YAP1: variants seen among roughly 807,000 people sequenced by gnomAD.
YAP1 encodes the protein transcriptional coactivator YAP1.
In YAP1, 5 loss-of-function variants were observed where a neutral mutation model predicts 56.9. The ratio of observed to expected loss-of-function variants is 0.09; its 90% confidence interval spans 0.05 to 0.18. YAP1 has a LOEUF of 0.18. Among genes scored for constraint, YAP1 ranks in the 10% least tolerant of loss-of-function variants. YAP1 has a pLI of 1.00. For missense variants in YAP1, 539 were observed against 651.8 expected, an observed-to-expected ratio of 0.83 and a Z score of 1.88; for synonymous variants, 265 against 248.1, an observed-to-expected ratio of 1.07 and a Z score of -0.64.
chr11:102,211,608 A>G (rs1162078088), intron 6 of YAP1, among the ~76,000 whole-genome samples: 3 of 152,234 alleles, frequency 2.0e-5, no homozygotes, highest in Non-Finnish European at 4.4e-5. Flanking sequence ...TGGTATTTGT[A>G]TCAAGAAAGC....
intron 5 of YAP1, among the ~76,000 whole-genome samples, chr11:102,207,879 ATACTCCAAAATATGGTTCTTTGACAAAC>A (rs1949201806): frequency 6.6e-6 from 1 of 152,192 alleles, no homozygotes. Context: ...TCAGAAAATG[ATACTCCAAAATATGGTTCTTTGACAAAC>A]TAAGGAAGCA....
At chr11:102,188,376 G>A (rs1437506557) in intron 4 of YAP1, among the ~76,000 whole-genome samples, 1 of 152,094 alleles carries the variant, frequency 6.6e-6, no homozygotes, top group Non-Finnish European at 1.5e-5. Flanking sequence ...CTTAATTTTA[G>A]CTCCTTCAAA....
At chr11:102,131,106 A>G (rs2135230658) in intron 2 of YAP1, among the ~76,000 whole-genome samples, 1 of 152,240 alleles carries the variant, frequency 6.6e-6, no homozygotes, top group East Asian at 1.9e-4. Flanking sequence ...TCTTCCCTCA[A>G]ATACTGGGTG....
chr11:102,223,786 A>G lies in YAP1; in HGVS notation c.1163+34A>G, dbSNP rs1229580427. ...AAGTTGCTACTGGTGAATATCTGAAAAGGATCATTGCTTTAAAATCATTCT... is the reference window on the plus strand; with the variant it reads ...AAGTTGCTACTGGTGAATATCTGAAGAGGATCATTGCTTTAAAATCATTCT... On this transcript the variant is annotated intron_variant, in intron 7 of 8. Coordinates refer to ENST00000282441, the MANE Select transcript of YAP1 (RefSeq NM_001130145.3). The G allele has an allele frequency of 1.9e-6, 3 of 1,612,316 alleles. No homozygotes were observed. In the African/African-American group the frequency reaches 4.0e-5, roughly 22 times the overall value.
rs1359091576 is a variant in YAP1 at position 102,231,441 on chromosome 11, A to G, written c.*1501A>G. The G allele has an allele frequency of 1.3e-5, 2 of 152,540 alleles. No homozygotes were observed. The highest frequency in any genetic ancestry group is 2.9e-5 in the Non-Finnish European group (2 of 68,036). 9.4% of individuals were successfully genotyped at this position (152,540 alleles called of 1,614,324 possible). A position where few individuals can be genotyped will look rare whatever the true frequency, so the allele number is the denominator to read the frequency against. On this transcript the variant is annotated 3_prime_UTR_variant, in exon 9 of 9. Transcript: ENST00000282441. ...ATGCTGAAAATTGACCCTGGATAGA[A>G]TACTATAAGGTTTTGAGTTAGCTGG...
chr11:102,211,879 G>A (rs914882818), intron 6 of YAP1, among the ~76,000 whole-genome samples: 8 of 151,878 alleles, frequency 5.3e-5, no homozygotes, highest in African/African-American at 1.7e-4. Context: ...AATTTTTTGT[G>A]TTTTTAGTAG....
At chr11:102,228,215 G>A (rs958379459) in intron 8 of YAP1, among the ~76,000 whole-genome samples, 12 of 152,144 alleles carry the variant, frequency 7.9e-5, no homozygotes, top group African/African-American at 1.9e-4. Flanking sequence ...TTTGAGAGAT[G>A]TCTACATGTA....
chr11:102,169,860 C>A (rs1193867276), intron 3 of YAP1, among the ~76,000 whole-genome samples: 2 of 152,042 alleles, frequency 1.3e-5, no homozygotes, highest in African/African-American at 2.4e-5. Context: ...AAACAACCAC[C>A]ATTTTTCTTA....
chr11:102,188,474 A>C (rs1016808724), intron 4 of YAP1, among the ~76,000 whole-genome samples: 4 of 152,252 alleles, frequency 2.6e-5, no homozygotes, highest in Non-Finnish European at 5.9e-5. Context: ...AAACATATTT[A>C]GTAATTACAC....
chr11:102,138,378 G>A (rs1353113897), intron 2 of YAP1, among the ~76,000 whole-genome samples: 12 of 152,172 alleles, frequency 7.9e-5, no homozygotes, highest in Admixed American at 7.2e-4. Flanking sequence ...GGTCTAGGAA[G>A]GTCTCTCACT....
rs1206472905 is a variant in YAP1, at chr11:102,174,582, CA to C, written c.689-11423del. Among the ~76,000 whole-genome samples, 689 of 139,488 alleles carry C rather than the reference CA, an allele frequency of 4.9e-3. 3 individuals are homozygous for C. The highest frequency in any genetic ancestry group is 0.014 in the African/African-American group (548 of 38,160). 91.5% of individuals were successfully genotyped at this position (139,488 alleles called of 152,430 possible). A position where few individuals can be genotyped will look rare whatever the true frequency, so the allele number is the denominator to read the frequency against. On this transcript the variant is annotated intron_variant, in intron 3 of 8. Transcript: ENST00000282441. ...CTGGTGACAGAGCGAGACTCCATCT[CA>C]AAAAAAAAAAAATCTATTATTTGTA...
chr11:102,219,282 T>A (rs1306293335), intron 6 of YAP1, among the ~76,000 whole-genome samples: 1 of 152,224 alleles, frequency 6.6e-6, no homozygotes. Flanking sequence ...TAAGTTGTTT[T>A]ATGCTCCAGA....
At chr11:102,151,082 C>T (rs560672863) in intron 2 of YAP1, among the ~76,000 whole-genome samples, 173 of 152,102 alleles carry the variant, frequency 1.1e-3, no homozygotes, top group African/African-American at 4.0e-3. Flanking sequence ...CCCACCTCAG[C>T]CTCCCAAAGT....
rs150783713 is a variant in YAP1, at chr11:102,183,049, T to G, written c.689-2969T>G. ...CTACAAGCTTGTAAAGAAGAATGACTTGATCATTGCCAGGAGAACAGATAT... is the reference window on the plus strand; with the variant it reads ...CTACAAGCTTGTAAAGAAGAATGACGTGATCATTGCCAGGAGAACAGATAT... On this transcript the variant is annotated intron_variant, in intron 3 of 8. Coordinates refer to ENST00000282441, the MANE Select transcript of YAP1 (RefSeq NM_001130145.3). Among the ~76,000 whole-genome samples, 840 of 152,332 alleles carry G rather than the reference T, an allele frequency of 5.5e-3. 6 individuals carry two copies. The highest frequency in any genetic ancestry group is 0.019 in the African/African-American group (804 of 41,578).
rs375230283 is a variant in YAP1 at position 102,229,772 on chromosome 11, T to C, written c.1347T>C (p.Pro449=). 12 of 1,614,192 alleles carry C rather than the reference T, an allele frequency of 7.4e-6. No homozygotes were observed. Among genetic ancestry groups the C allele is most frequent in the Non-Finnish European group, 1.0e-5 (12 of 1,180,010 alleles). The part of the protein sequence containing the change: ...NRFPDYLEAI[P]GTNVDLGTLE... ...TCCCAGACTACCTTGAAGCCATTCCTGGGACAAATGTGGACCTTGGAACAC... is the reference window on the plus strand; with the variant it reads ...TCCCAGACTACCTTGAAGCCATTCCCGGGACAAATGTGGACCTTGGAACAC... Residue 449 remains proline (P), a synonymous_variant, in exon 9 of 9, where the codon CCT becomes CCC. Transcript: ENST00000282441.
intron 5 of YAP1, 25 bp downstream of exon 5, chr11:102,206,099 C>G: frequency 6.3e-7 from 1 of 1,590,566 alleles, no homozygotes; most frequent in Non-Finnish European, 8.6e-7. Flanking sequence ...TAGAAACCAG[C>G]CTTCCACTTT....
At chr11:102,148,440 A>G (rs1945445140) in intron 2 of YAP1, among the ~76,000 whole-genome samples, 1 of 152,176 alleles carries the variant, frequency 6.6e-6, no homozygotes, top group South Asian at 2.1e-4. Flanking sequence ...AAGAGCTATG[A>G]CAAAGACTTA....
chr11:102,224,075 A>G (rs1436977895), intron 7 of YAP1, among the ~76,000 whole-genome samples: 4 of 152,240 alleles, frequency 2.6e-5, no homozygotes, highest in African/African-American at 9.6e-5. Flanking sequence ...TGTGAAAGCA[A>G]ATGAATTTCA....
At chr11:102,226,368 G>T (rs1950196965) in intron 7 of YAP1, among the ~76,000 whole-genome samples, 2 of 152,326 alleles carry the variant, frequency 1.3e-5, no homozygotes, top group Admixed American at 1.3e-4. Flanking sequence ...ATCATTTAGG[G>T]AAGGCAGTTG....
Sources: allele counts gnomAD v4.1 joint callset (sites outside exome capture counted in the v4.1 genomes callset), GRCh38; gene constraint gnomAD v4.1.1; transcripts MANE v1.5; gene names NCBI Gene and HGNC (gene_info 2026-07-23, HGNC 2026-07-21).